CHL1: variants seen among roughly 807,000 people sequenced by gnomAD.
CHL1 encodes the protein neural cell adhesion molecule L1-like protein.
A neutral mutation model predicts 141.9 loss-of-function variants in CHL1; 96 were observed. The ratio of observed to expected loss-of-function variants is 0.68; its 90% CI spans 0.57 to 0.80. CHL1 has a LOEUF of 0.80. Among genes scored for constraint, CHL1 ranks in the 30% least tolerant of loss-of-function variants. The pLI is 0.00. For synonymous variants in CHL1, 613 were observed against 502.2 expected, an observed-to-expected ratio of 1.22 and a Z score of -2.95; for missense variants, 1,820 against 1,457.2, an observed-to-expected ratio of 1.25 and a Z score of -4.05.
At chr3:395,090 A>G (rs1708561153) in intron 24 of CHL1, among the ~76,000 whole-genome samples, 1 of 152,212 alleles carries the variant, frequency 6.6e-6, no homozygotes, top group African/African-American at 2.4e-5. Context: ...ATTTCTGCGC[A>G]ATACCAATCA....
At chr3:356,611 A>G (rs896219912) in intron 11 of CHL1, among the ~76,000 whole-genome samples, 2 of 152,196 alleles carry the variant, frequency 1.3e-5, no homozygotes, top group African/African-American at 4.8e-5. Flanking sequence ...CAATCTTAAG[A>G]TCATAATAGT....
At chr3:277,208 A>C (rs991030888) in intron 2 of CHL1, among the ~76,000 whole-genome samples, 1 of 152,180 alleles carries the variant, frequency 6.6e-6, no homozygotes, top group Non-Finnish European at 1.5e-5. Flanking sequence ...TTTTTTAAAA[A>C]ATTATGCATC....
intron 1 of CHL1, among the ~76,000 whole-genome samples, chr3:203,920 T>C (rs2124834437): frequency 6.6e-6 from 1 of 152,352 alleles, no homozygotes; most frequent in Non-Finnish European, 1.5e-5. Flanking sequence ...TTGAAGGCTT[T>C]ACATTTGTGG....
intron 2 of CHL1, among the ~76,000 whole-genome samples, chr3:313,349 T>G (rs1699902994): frequency 6.6e-6 from 1 of 152,304 alleles, no homozygotes; most frequent in African/African-American, 2.4e-5. Flanking sequence ...ACCAGCTGCC[T>G]TTCTAAGCTG....
At chr3:366,183 G>C in intron 15 of CHL1, 68 bp downstream of exon 15, 1 of 1,494,286 alleles carries the variant, frequency 6.7e-7, no homozygotes, top group Admixed American at 1.9e-5. Flanking sequence ...GATTTAAAAA[G>C]TTCTAGGTCG....
chr3:349,292 A>G (rs1392045709), intron 9 of CHL1, 67 bp from the exon 10 acceptor site: 4 of 1,357,002 alleles, frequency 2.9e-6, no homozygotes, highest in East Asian at 2.5e-5. Flanking sequence ...GATGTGTCCT[A>G]AGGTTTTCTT....
intron 14 of CHL1, 23 bp from the exon 15 acceptor site, chr3:365,927 A>G (rs1286297587): frequency 1.2e-6 from 2 of 1,600,484 alleles, no homozygotes; most frequent in East Asian, 2.2e-5. Flanking sequence ...GTTCTAACTA[A>G]TATCTTTGTT....
At chr3:400,644 T>G (rs996608564) in intron 26 of CHL1, among the ~76,000 whole-genome samples, 1 of 148,796 alleles carries the variant, frequency 6.7e-6, no homozygotes, top group Admixed American at 6.8e-5. Context: ...ATTCCACTAA[T>G]AAGAGAAATC....
At chr3:291,782 C>G (rs918435727) in intron 2 of CHL1, among the ~76,000 whole-genome samples, 3 of 152,128 alleles carry the variant, frequency 2.0e-5, no homozygotes, top group Non-Finnish European at 4.4e-5. Context: ...TGATTGTCAG[C>G]AGATGTAATG....
intron 1 of CHL1, among the ~76,000 whole-genome samples, chr3:205,052 T>C (rs1205583616): frequency 1.3e-5 from 2 of 152,072 alleles, no homozygotes; most frequent in Admixed American, 6.5e-5. Flanking sequence ...ACCCAGTTCA[T>C]AGCCCACTCT....
chr3:267,430 T>C (rs1460286111), intron 2 of CHL1, among the ~76,000 whole-genome samples: 1 of 152,204 alleles, frequency 6.6e-6, no homozygotes, highest in East Asian at 1.9e-4. Context: ...TATTTTACAT[T>C]TATATTTTAC....
intron 2 of CHL1, among the ~76,000 whole-genome samples, chr3:273,871 G>A (rs931741785): frequency 1.2e-4 from 18 of 152,068 alleles, no homozygotes; most frequent in African/African-American, 3.4e-4. Context: ...GTTCCATGCT[G>A]TAACCAGATA....
chr3:399,427 G>C (rs575687417), intron 26 of CHL1, among the ~76,000 whole-genome samples: 1 of 152,168 alleles, frequency 6.6e-6, no homozygotes, highest in Admixed American at 6.5e-5. Flanking sequence ...GGATCATGAG[G>C]TCAGGAGATC....
At chr3:197,466 G>A (rs1177861541) in intron 1 of CHL1, 3 of 164,086 alleles carry the variant, frequency 1.8e-5, no homozygotes, top group African/African-American at 7.2e-5. Context: ...CCCTCTCTCG[G>A]GTGGGGCTCC....
At chr3:383,505 A>G (rs1707310082) in intron 18 of CHL1, among the ~76,000 whole-genome samples, 1 of 152,184 alleles carries the variant, frequency 6.6e-6, no homozygotes, top group Non-Finnish European at 1.5e-5. Flanking sequence ...TTTTTAAAAA[A>G]GCAGGTTCAG....
At chr3:217,369 T>C (rs1302000217) in intron 1 of CHL1, among the ~76,000 whole-genome samples, 4 of 152,138 alleles carry the variant, frequency 2.6e-5, no homozygotes, top group Admixed American at 1.3e-4. Flanking sequence ...TCCCAGGCAC[T>C]GTGAGGAAGA....
chr3:368,968 C>G (rs1367971730), intron 15 of CHL1, among the ~76,000 whole-genome samples: 1 of 152,172 alleles, frequency 6.6e-6, no homozygotes, highest in Non-Finnish European at 1.5e-5. Context: ...TGTTTTCATA[C>G]CAGTACCATG....
chr3:256,488 C>T (rs432685), intron 2 of CHL1, among the ~76,000 whole-genome samples: 58,271 of 151,996 alleles, frequency 0.38, 11,391 homozygotes, highest in South Asian at 0.61. Context: ...GGAGTGATTT[C>T]GCCCTTCAGG....
At position 328,262 on chromosome 3, in the gene CHL1, G is replaced by A. The variant is rs1327494389; in HGVS notation, c.293G>A (p.Gly98Glu). Residue 98 changes from glycine (G) to glutamate (E), a missense_variant, in exon 5 of 28, where the codon GGG becomes GAG. Coordinates refer to ENST00000256509, the MANE Select transcript of CHL1 (RefSeq NM_006614.4). Reference protein sequence around the residue: ...NSGTFRIPNEGHISHFQGKYR... With the variant: ...NSGTFRIPNEEHISHFQGKYR... ...GGAACATTCAGGATCCCAAACGAGG[G>A]GCACATATCTCACTTTCAAGGGAAA... is the stretch of plus-strand genomic sequence containing the variant. 3 of 1,612,408 alleles carry A rather than the reference G, an allele frequency of 1.9e-6. No homozygotes were observed. In the South Asian group the frequency reaches 3.3e-5, roughly 18 times the overall value.
Sources: allele counts gnomAD v4.1 joint callset (sites outside exome capture counted in the v4.1 genomes callset), GRCh38; gene constraint gnomAD v4.1.1; transcripts MANE v1.5; gene names NCBI Gene and HGNC (gene_info 2026-07-23, HGNC 2026-07-21).